The following USP24 variants were observed in gnomAD, a reference collection of about 807,000 sequenced individuals.
USP24 encodes ubiquitin carboxyl-terminal hydrolase 24.
In USP24, 97 loss-of-function variants were observed where a neutral mutation model predicts 361.6. The ratio of observed to expected loss-of-function variants is 0.27; its 90% CI spans 0.23 to 0.32. The LOEUF is 0.32. USP24 is among the 10% of genes least tolerant of loss of function. USP24 has a pLI of 1.00. For missense variants in USP24, 2,353 were observed against 3,165.6 expected (o/e 0.74, Z 6.16); for synonymous variants, 1,098 against 1,124.6 (o/e 0.98, Z 0.47).
At chr1:55,114,312 G>A (rs1220000533) in intron 38 of USP24, among the ~76,000 whole-genome samples, 6 of 152,106 alleles carry the variant, frequency 3.9e-5, no homozygotes, top group Admixed American at 6.5e-5. Flanking sequence ...AAATGGCCAC[G>A]CTGCCCAAAG....
intron 1 of USP24, among the ~76,000 whole-genome samples, chr1:55,182,371 T>C (rs1223121527): frequency 6.6e-6 from 1 of 152,108 alleles, no homozygotes; most frequent in Admixed American, 6.6e-5. Flanking sequence ...CTTCTTGATC[T>C]TGGACTTCTA....
At chr1:55,093,811 A>G (rs1645434639) in intron 52 of USP24, 126 bp downstream of exon 52, 2 of 1,336,268 alleles carry the variant, frequency 1.5e-6, no homozygotes, top group East Asian at 5.0e-5. Flanking sequence ...GGTTCATGAG[A>G]CAAGTGTGTA....
chr1:55,071,483 T>TCA, intron 67 of USP24: 5 of 1,058,710 alleles, frequency 4.7e-6, no homozygotes, highest in Non-Finnish European at 5.7e-6. Flanking sequence ...CGAGGGACTT[T>TCA]CAGTAACCTG....
At chr1:55,160,859 T>G (rs908131434) in intron 8 of USP24, among the ~76,000 whole-genome samples, 2 of 152,216 alleles carry the variant, frequency 1.3e-5, no homozygotes, top group Non-Finnish European at 2.9e-5. Context: ...TTAATGTTTA[T>G]TATTAAAATA....
chr1:55,163,308 A>T (rs576584186), intron 7 of USP24, among the ~76,000 whole-genome samples: 59 of 152,162 alleles, frequency 3.9e-4, no homozygotes, highest in Non-Finnish European at 8.2e-4. Flanking sequence ...CTATATAGCA[A>T]AAGATACCAT....
intron 8 of USP24, among the ~76,000 whole-genome samples, chr1:55,161,864 A>G (rs1037254401): frequency 6.6e-6 from 1 of 152,214 alleles, no homozygotes; most frequent in African/African-American, 2.4e-5. Flanking sequence ...AATCTGATTC[A>G]ATACATAATG....
chr1:55,136,142 G>GA (rs1481983580), intron 28 of USP24, among the ~76,000 whole-genome samples: 1 of 152,132 alleles, frequency 6.6e-6, no homozygotes, highest in Non-Finnish European at 1.5e-5. Context: ...GAAAGAGGCT[G>GA]AAAATCTAGA....
intron 40 of USP24, among the ~76,000 whole-genome samples, chr1:55,106,931 A>G (rs776652265): frequency 1.3e-5 from 2 of 152,226 alleles, no homozygotes; most frequent in African/African-American, 2.4e-5. Flanking sequence ...ACAGTAAATT[A>G]TGTATTACAA....
chr1:55,197,077 C>T (rs907912571), intron 1 of USP24, among the ~76,000 whole-genome samples: 2 of 152,222 alleles, frequency 1.3e-5, no homozygotes, highest in Admixed American at 1.3e-4. Flanking sequence ...TAAGTATTTA[C>T]TTTAGGCCTG....
chr1:55,134,363 G>A lies in USP24; in HGVS notation c.3252C>T (p.Asp1084=), dbSNP rs754461728. Residue 1084 remains aspartate, a synonymous_variant, in exon 29 of 68, where the codon GAC becomes GAT. Transcript: ENST00000294383. ...CCAGATTGGCGAGCTGATAAAGCAT[G>A]TCAAATACGTTACATACGAGAGCCA... ...VVMALVCNVF[D]MLYQLANLEE... 5 of 1,613,038 alleles carry A rather than the reference G, an allele frequency of 3.1e-6. No homozygotes were observed. In the South Asian group the frequency reaches 3.3e-5, roughly 11 times the overall value.
chr1:55,204,747 C>T (rs60650458), intron 1 of USP24, among the ~76,000 whole-genome samples: 26,518 of 152,122 alleles, frequency 0.17, 2,403 homozygotes, highest in African/African-American at 0.19. Context: ...TTTCTAACAT[C>T]TAGCTCAGTG....
intron 19 of USP24, among the ~76,000 whole-genome samples, chr1:55,146,318 T>C (rs1274199482): frequency 6.6e-6 from 1 of 152,186 alleles, no homozygotes; most frequent in Non-Finnish European, 1.5e-5. Flanking sequence ...CTACTCATAC[T>C]TTTCACTGGA....
At chr1:55,155,531 G>A (rs763960488) in intron 12 of USP24, among the ~76,000 whole-genome samples, 15 of 151,980 alleles carry the variant, frequency 9.9e-5, no homozygotes, top group Admixed American at 3.3e-4. Flanking sequence ...ATTTATACTC[G>A]CAAAACAAAA....
chr1:55,198,184 G>T (rs2100905944), intron 1 of USP24, among the ~76,000 whole-genome samples: 1 of 151,564 alleles, frequency 6.6e-6, no homozygotes, highest in Middle Eastern at 3.4e-3. Context: ...ATCTCACTAT[G>T]TTGCCCAGGC....
chr1:55,097,496 C>A (rs1018547881), intron 48 of USP24, 102 bp downstream of exon 48: 25 of 1,455,790 alleles, frequency 1.7e-5, no homozygotes, highest in Non-Finnish European at 2.2e-5. Flanking sequence ...GAGACAACAG[C>A]CTTAACATGG....
At chr1:55,213,064 A>C (rs183623592) in intron 1 of USP24, among the ~76,000 whole-genome samples, 8 of 152,362 alleles carry the variant, frequency 5.3e-5, no homozygotes, top group Admixed American at 3.9e-4. Flanking sequence ...AAAGAAAAAA[A>C]GAATCACATT....
intron 48 of USP24, 51 bp downstream of exon 48, chr1:55,097,543 GAAGT>G (rs1166368235): frequency 4.6e-6 from 7 of 1,511,876 alleles, no homozygotes; most frequent in Admixed American, 2.4e-5. Flanking sequence ...GAAAAAAAAA[GAAGT>G]GAGTGAGGAA....
intron 58 of USP24, among the ~76,000 whole-genome samples, chr1:55,082,639 A>G (rs1645173317): frequency 6.6e-6 from 1 of 152,170 alleles, no homozygotes. Context: ...ATACAAAGTT[A>G]GCCAGGCACG....
chr1:55,079,387 C>A, intron 60 of USP24, 151 bp downstream of exon 60: 1 of 1,124,826 alleles, frequency 8.9e-7, no homozygotes, highest in South Asian at 1.7e-5. Flanking sequence ...ACATTCTCTT[C>A]CACTAATTAT....
Sources: allele counts gnomAD v4.1 joint callset (sites outside exome capture counted in the v4.1 genomes callset), GRCh38; gene constraint gnomAD v4.1.1; transcripts MANE v1.5; gene names NCBI Gene and HGNC (gene_info 2026-07-23, HGNC 2026-07-21).